The following SH3D19 variants were observed in gnomAD, a reference collection of about 807,000 sequenced individuals.
SH3D19 encodes the protein SH3 domain-containing protein 19.
A neutral mutation model predicts 112.1 loss-of-function variants in SH3D19; 58 were observed. The ratio of observed to expected loss-of-function variants is 0.52; its 90% confidence interval spans 0.42 to 0.64. SH3D19 has a LOEUF of 0.64. SH3D19 is among the 30% of genes least tolerant of loss of function. The pLI, the probability that SH3D19 is intolerant of heterozygous loss-of-function variation, is 0.00. For missense variants in SH3D19, 1,090 were observed against 1,263.4 expected (o/e 0.86, Z 2.08); for synonymous variants, 391 against 448.5 (o/e 0.87, Z 1.62).
At chr4:151,139,626 G>T (rs533457024) in intron 13 of SH3D19, 149 bp downstream of exon 13, 1 of 637,848 alleles carries the variant, frequency 1.6e-6, no homozygotes, top group East Asian at 2.8e-5. Flanking sequence ...TTCTTGAAGT[G>T]GAGTCCTGGA....
chr4:151,254,313 A>ATTTT (rs1312616233), intron 1 of SH3D19, among the ~76,000 whole-genome samples: 6 of 151,128 alleles, frequency 4.0e-5, no homozygotes, highest in Non-Finnish European at 7.4e-5. Context: ...TTATTTATTT[A>ATTTT]TTTATTTTTT....
At chr4:151,134,047 G>C (rs1198938623) in intron 15 of SH3D19, among the ~76,000 whole-genome samples, 1 of 152,162 alleles carries the variant, frequency 6.6e-6, no homozygotes, top group East Asian at 1.9e-4. Context: ...ATAGAATTCT[G>C]ATTTAAGTCA....
intron 2 of SH3D19, among the ~76,000 whole-genome samples, chr4:151,215,067 A>G (rs969346345): frequency 2.8e-4 from 41 of 145,362 alleles, no homozygotes; most frequent in African/African-American, 9.7e-4. Context: ...CACATCTCAG[A>G]CGATGGGCGG....
At chr4:151,203,079 C>A (rs1764622374) in intron 2 of SH3D19, among the ~76,000 whole-genome samples, 1 of 152,134 alleles carries the variant, frequency 6.6e-6, no homozygotes, top group East Asian at 1.9e-4. Context: ...GGGTTAGGAT[C>A]TAAGACTCAC....
chr4:151,168,233 C>T (rs1758439692), intron 7 of SH3D19, among the ~76,000 whole-genome samples: 2 of 151,568 alleles, frequency 1.3e-5, no homozygotes, highest in Admixed American at 6.6e-5. Context: ...AAAAGCAGAA[C>T]AAGGTGAGGA....
At chr4:151,218,855 G>A (rs1172072267) in intron 2 of SH3D19, among the ~76,000 whole-genome samples, 2 of 152,146 alleles carry the variant, frequency 1.3e-5, no homozygotes, top group Non-Finnish European at 2.9e-5. Context: ...TAATGTGAAA[G>A]CAGCCCAAGA....
At chr4:151,295,324 A>G (rs1775624927) in intron 1 of SH3D19, among the ~76,000 whole-genome samples, 1 of 152,068 alleles carries the variant, frequency 6.6e-6, no homozygotes. Context: ...AAAAGCAGAG[A>G]GAAAGAATCA....
At chr4:151,232,512 A>C (rs535728321) in intron 1 of SH3D19, among the ~76,000 whole-genome samples, 9 of 152,326 alleles carry the variant, frequency 5.9e-5, no homozygotes, top group Non-Finnish European at 1.3e-4. Context: ...CCAGCTATTA[A>C]CTAGTTGTAG....
At chr4:151,168,274 T>G (rs922760676) in intron 7 of SH3D19, among the ~76,000 whole-genome samples, 2 of 152,144 alleles carry the variant, frequency 1.3e-5, no homozygotes, top group Non-Finnish European at 2.9e-5. Flanking sequence ...GGAAGCAGGT[T>G]GCAGAAGGAA....
intron 1 of SH3D19, among the ~76,000 whole-genome samples, chr4:151,236,710 A>G (rs1770082877): frequency 6.6e-6 from 1 of 152,078 alleles, no homozygotes; most frequent in Non-Finnish European, 1.5e-5. Flanking sequence ...TTGTAAATGT[A>G]CCAATCAGCT....
intron 1 of SH3D19, among the ~76,000 whole-genome samples, chr4:151,321,714 A>G (rs892311698): frequency 1.3e-5 from 2 of 152,246 alleles, no homozygotes; most frequent in African/African-American, 4.8e-5. Context: ...AAAGTGCATC[A>G]TCCTTTTGAA....
At chr4:151,143,865 G>T in intron 12 of SH3D19, 45 bp downstream of exon 12, 1 of 1,558,554 alleles carries the variant, frequency 6.4e-7, no homozygotes. Flanking sequence ...CATGAAATGT[G>T]CTGCTATGTG....
chr4:151,304,837 A>G (rs1468239552), intron 1 of SH3D19, among the ~76,000 whole-genome samples: 1 of 152,194 alleles, frequency 6.6e-6, no homozygotes, highest in Non-Finnish European at 1.5e-5. Context: ...GCTGACTGTC[A>G]GAATATGCAC....
chr4:151,131,740 G>A (rs915847349), intron 17 of SH3D19, among the ~76,000 whole-genome samples: 1 of 151,878 alleles, frequency 6.6e-6, no homozygotes, highest in African/African-American at 2.4e-5. Flanking sequence ...CGCCCGCCTC[G>A]GCTTCCCAAA....
intron 8 of SH3D19, among the ~76,000 whole-genome samples, chr4:151,160,274 A>C (rs866672146): frequency 1.3e-5 from 2 of 151,954 alleles, no homozygotes; most frequent in African/African-American, 4.8e-5. Context: ...TTTTTAGTAG[A>C]GACGGGGTTT....
intron 9 of SH3D19, among the ~76,000 whole-genome samples, chr4:151,156,107 A>C (rs937977409): frequency 1.3e-5 from 2 of 152,222 alleles, no homozygotes; most frequent in African/African-American, 4.8e-5. Flanking sequence ...TAATAAATTT[A>C]ACTGAGGAAG....
rs1753581216 is a variant in SH3D19 at position 151,144,505 on chromosome 4, A to G, written c.2083-455T>C. On this transcript the variant is annotated intron_variant, in intron 11 of 19. Coordinates refer to ENST00000604030, the MANE Select transcript of SH3D19 (RefSeq NM_001378122.1). Reference sequence around the variant, plus strand: ...GGAGTTAGGCCCATAGAACCACAAGAGCTAAACATGGCCTAACATTCCCTT... The same window carrying G: ...GGAGTTAGGCCCATAGAACCACAAGGGCTAAACATGGCCTAACATTCCCTT... 1.4e-5 allele frequency: 8 copies of G among 554,850 alleles called. No individual in the cohort carries two copies. The South Asian group carries it at 1.5e-4, about 10-fold the overall frequency. The allele number at this position is 554,850 out of a possible 1,614,324, so 34.4% of individuals were successfully genotyped here.
At chr4:151,259,690 C>A (rs1472524001) in intron 1 of SH3D19, 4 of 152,542 alleles carry the variant, frequency 2.6e-5, no homozygotes, top group Admixed American at 6.5e-5. Context: ...GGTGACTGCA[C>A]CGCCTGAGAG....
intron 1 of SH3D19, among the ~76,000 whole-genome samples, chr4:151,230,343 T>C (rs1769513407): frequency 6.6e-6 from 1 of 152,200 alleles, no homozygotes; most frequent in African/African-American, 2.4e-5. Flanking sequence ...TTTGCTTTGA[T>C]TAAAACTAAG....
Sources: gnomAD v4.1 joint callset for allele counts (sites outside exome capture counted in the v4.1 genomes callset) on GRCh38, gnomAD v4.1.1 for gene constraint, MANE v1.5 for transcripts, NCBI Gene and HGNC (gene_info 2026-07-23, HGNC 2026-07-21) for gene names.